Variants in KCNH1 observed in about 807,000 individuals in gnomAD.
KCNH1 encodes the protein voltage-gated delayed rectifier potassium channel KCNH1.
Under a neutral mutation model 69.2 loss-of-function variants are expected in KCNH1, and 27 were observed. The observed-to-expected ratio is 0.39, with a 90% CI of 0.29 to 0.54. KCNH1 has a LOEUF of 0.54. Ranked by LOEUF, KCNH1 falls within the 20% of genes least tolerant of loss-of-function variation. KCNH1 has a pLI of 0.68. For missense variants in KCNH1, 798 were observed against 1,261.6 expected (o/e 0.63, Z 5.57); for synonymous variants, 456 against 487.7 (o/e 0.93, Z 0.86).
chr1:211,036,435 T>A (rs549567918), intron 5 of KCNH1, among the ~76,000 whole-genome samples: 1 of 152,270 alleles, frequency 6.6e-6, no homozygotes, highest in East Asian at 1.9e-4. Context: ...ACCAAAAACA[T>A]AAGTTCTACA....
chr1:210,735,806 C>T (rs567112969), intron 10 of KCNH1, among the ~76,000 whole-genome samples: 2 of 147,924 alleles, frequency 1.4e-5, no homozygotes, highest in Admixed American at 1.3e-4. Flanking sequence ...CAGACACACA[C>T]ACACACACAC....
At chr1:210,987,078 G>T (rs1688854028) in intron 6 of KCNH1, among the ~76,000 whole-genome samples, 1 of 152,120 alleles carries the variant, frequency 6.6e-6, no homozygotes, top group Non-Finnish European at 1.5e-5. Context: ...GAGTGAATCA[G>T]CTACCGAGGC....
chr1:211,035,450 G>A (rs994410725), intron 5 of KCNH1, among the ~76,000 whole-genome samples: 11 of 150,842 alleles, frequency 7.3e-5, no homozygotes, highest in African/African-American at 2.2e-4. Context: ...GGGTTTCACC[G>A]TTTTAGCCGG....
intron 7 of KCNH1, among the ~76,000 whole-genome samples, chr1:210,856,133 C>G (rs1312237072): frequency 6.6e-6 from 1 of 152,168 alleles, no homozygotes; most frequent in African/African-American, 2.4e-5. Context: ...CTTTTGGCAG[C>G]TGCCATCTAA....
intron 8 of KCNH1, among the ~76,000 whole-genome samples, chr1:210,801,380 C>T (rs1474243832): frequency 6.6e-6 from 1 of 152,148 alleles, no homozygotes; most frequent in Admixed American, 6.5e-5. Flanking sequence ...TGGTTCTCTC[C>T]CCAGCAGTAG....
At chr1:210,695,187 A>C (rs1395998230) in intron 10 of KCNH1, among the ~76,000 whole-genome samples, 18 of 152,218 alleles carry the variant, frequency 1.2e-4, no homozygotes, top group Non-Finnish European at 2.1e-4. Flanking sequence ...GAGAGGGGGC[A>C]ATGGAGAGTT....
chr1:210,929,878 C>G (rs1288218034), intron 6 of KCNH1, among the ~76,000 whole-genome samples: 1 of 152,148 alleles, frequency 6.6e-6, no homozygotes, highest in African/African-American at 2.4e-5. Context: ...TTTTATTCAC[C>G]AACAGCAACC....
At chr1:211,043,397 C>T (rs1390289495) in intron 5 of KCNH1, among the ~76,000 whole-genome samples, 1 of 151,856 alleles carries the variant, frequency 6.6e-6, no homozygotes, top group African/African-American at 2.4e-5. Flanking sequence ...CATCCTAGCC[C>T]AAATCAGGAA....
intron 5 of KCNH1, among the ~76,000 whole-genome samples, chr1:211,057,647 G>A (rs1365004798): frequency 1.3e-5 from 2 of 151,276 alleles, no homozygotes; most frequent in South Asian, 2.1e-4. Context: ...CCAAAAAAAT[G>A]AGAAAAAGAA....
intron 9 of KCNH1, among the ~76,000 whole-genome samples, chr1:210,787,690 A>G (rs1684130327): frequency 2.0e-5 from 3 of 152,206 alleles, no homozygotes; most frequent in South Asian, 4.1e-4. Flanking sequence ...GCCTCACTCA[A>G]GAAGAAGGAA....
In KCNH1 at chr1:210,919,449, T is replaced by G; in HGVS notation, c.1462+191A>C. On this transcript the variant is annotated intron_variant, in intron 7 of 10. Transcript: ENST00000271751. The surrounding 1 kb of genome is among the most constrained non-coding windows in gnomAD (Gnocchi z 4.2). ...CTTTACTTTCTACTTTGCACTCTTTTGTATTTTCTAAATTTTTTTGCAGTA... is the reference window on the plus strand; with the variant it reads ...CTTTACTTTCTACTTTGCACTCTTTGGTATTTTCTAAATTTTTTTGCAGTA... The G allele has an allele frequency of 1.6e-6, 1 of 606,344 alleles. No individual in the cohort carries two copies. 37.6% of individuals were successfully genotyped at this position (606,344 alleles called of 1,614,324 possible). A position where few individuals can be genotyped will look rare whatever the true frequency, so the allele number is the denominator to read the frequency against.
chr1:210,717,632 T>C (rs1682292633), intron 10 of KCNH1, among the ~76,000 whole-genome samples: 1 of 152,196 alleles, frequency 6.6e-6, no homozygotes, highest in Admixed American at 6.5e-5. Flanking sequence ...TATCCCCTTC[T>C]GGTATTTCTT....
chr1:210,815,965 G>A (rs888461192), intron 7 of KCNH1, among the ~76,000 whole-genome samples: 1 of 152,136 alleles, frequency 6.6e-6, no homozygotes, highest in East Asian at 1.9e-4. Context: ...ATTTAAAGGC[G>A]GGACATCTGT....
intron 2 of KCNH1, among the ~76,000 whole-genome samples, chr1:211,103,908 C>G (rs774345003): frequency 6.6e-6 from 1 of 152,180 alleles, no homozygotes; most frequent in Non-Finnish European, 1.5e-5. Context: ...ACAGAACACA[C>G]AGAATAGGCA....
chr1:210,801,847 C>T (rs1233861190), intron 8 of KCNH1, among the ~76,000 whole-genome samples: 3 of 152,212 alleles, frequency 2.0e-5, no homozygotes, highest in Non-Finnish European at 4.4e-5. Context: ...CAGCTCCAGC[C>T]GATACCCTGC....
chr1:210,751,540 G>A (rs894461600), intron 10 of KCNH1, among the ~76,000 whole-genome samples: 8 of 152,136 alleles, frequency 5.3e-5, no homozygotes, highest in African/African-American at 9.7e-5. Context: ...AAGTGCTAAC[G>A]TTAGGACAGT....
intron 6 of KCNH1, among the ~76,000 whole-genome samples, chr1:210,999,416 G>A (rs1326963082): frequency 6.6e-6 from 1 of 152,166 alleles, no homozygotes. Flanking sequence ...AAATTTAGAA[G>A]AAATGGATAA....
intron 10 of KCNH1, among the ~76,000 whole-genome samples, chr1:210,728,757 C>A (rs1682671438): frequency 6.6e-6 from 1 of 152,212 alleles, no homozygotes; most frequent in South Asian, 2.1e-4. Context: ...GAATAGACAG[C>A]CCCTTAGGTA....
chr1:210,952,386 C>T (rs1330698786), intron 6 of KCNH1, among the ~76,000 whole-genome samples: 1 of 152,148 alleles, frequency 6.6e-6, no homozygotes. Context: ...ATCAGTCTAT[C>T]CAGCAGAGAT....
Sources: allele counts gnomAD v4.1 joint callset (sites outside exome capture counted in the v4.1 genomes callset), GRCh38; gene constraint gnomAD v4.1.1; non-coding constraint Gnocchi (gnomAD v3.1); transcripts MANE v1.5; gene names NCBI Gene and HGNC (gene_info 2026-07-23, HGNC 2026-07-21).